PRELID2: variants seen among roughly 807,000 people sequenced by gnomAD.
The protein encoded by PRELID2 is PRELI domain-containing protein 2.
In PRELID2, 25 loss-of-function variants were observed where a neutral mutation model predicts 28.4. The observed-to-expected ratio is 0.88, with a 90% confidence interval of 0.64 to 1.23. The LOEUF (loss-of-function observed/expected upper bound fraction) is 1.23, where lower values mean the gene tolerates loss of function less well. Ranked by LOEUF, PRELID2 falls within the 50% of genes most tolerant of loss-of-function variation. The pLI is 0.00. For missense variants in PRELID2, 201 were observed against 214.4 expected (o/e 0.94, Z 0.39); for synonymous variants, 76 against 71.6 (o/e 1.06, Z -0.31).
the PRELID2 span, among the ~76,000 whole-genome samples, chr5:145,438,708 A>C: frequency 3.3e-5 from 5 of 152,144 alleles, no homozygotes; most frequent in South Asian, 1.0e-3. Context: ...TAATTTACTC[A>C]TTTCCACCTG....
At chr5:145,465,016 A>G in the PRELID2 span, among the ~76,000 whole-genome samples, 1 of 152,198 alleles carries the variant, frequency 6.6e-6, no homozygotes, top group African/African-American at 2.4e-5. Flanking sequence ...AGAACGGGTT[A>G]GAATTGGGAA....
At chr5:145,659,145 A>G (rs903545527) in intron 1 of PRELID2, among the ~76,000 whole-genome samples, 12 of 152,152 alleles carry the variant, frequency 7.9e-5, no homozygotes, top group African/African-American at 2.9e-4. Flanking sequence ...ACAGACTTCA[A>G]GGTCAGCAAG....
At chr5:145,360,999 C>A in the PRELID2 span, among the ~76,000 whole-genome samples, 8 of 152,124 alleles carry the variant, frequency 5.3e-5, no homozygotes, top group African/African-American at 1.9e-4. Context: ...TCTCACTTAC[C>A]CACCTACAAG....
intron 1 of PRELID2, among the ~76,000 whole-genome samples, chr5:145,679,810 AAT>A (rs61046245): frequency 0.062 from 9,208 of 147,858 alleles, 883 homozygotes; most frequent in African/African-American, 0.21. Flanking sequence ...AGTTAGAATA[AAT>A]ATATATATAT....
Position 145,756,771 on chromosome 5 carries a change from A to T in PRELID2, c.*3765T>A, listed in dbSNP as rs1205967972. ...CAAATCCTCTCTACTCTTATTCAAC[A>T]TATAGTATGCAGTTACACAATTTCC... On this transcript the variant is annotated 3_prime_UTR_variant, in exon 7 of 7. Coordinates refer to ENST00000683046, the MANE Select transcript of PRELID2 (RefSeq NM_205846.3). Among the ~76,000 whole-genome samples, 2 of 152,166 alleles carry T rather than the reference A, an allele frequency of 1.3e-5. No individual in the cohort carries two copies. The highest frequency in any genetic ancestry group is 4.1e-4 in the South Asian group (2 of 4,832).
the PRELID2 span, among the ~76,000 whole-genome samples, chr5:145,294,137 G>A: frequency 6.6e-6 from 1 of 152,210 alleles, no homozygotes; most frequent in South Asian, 2.1e-4. Flanking sequence ...TCAAATGTGA[G>A]TCTGTTTTCT....
intron 1 of PRELID2, among the ~76,000 whole-genome samples, chr5:145,512,737 C>T (rs1009395883): frequency 6.6e-6 from 1 of 152,182 alleles, no homozygotes; most frequent in Admixed American, 6.5e-5. Context: ...CAGAAGAGCA[C>T]TGGTTGGCAT....
intron 1 of PRELID2, among the ~76,000 whole-genome samples, chr5:145,536,189 A>G (rs960291837): frequency 2.0e-5 from 3 of 151,934 alleles, no homozygotes; most frequent in African/African-American, 7.2e-5. Context: ...ACAAAAAGAA[A>G]TGGGTTTGAA....
rs375401280 is a variant in PRELID2, at chr5:145,518,343, G to A, written n.71-45028C>T. 4.6e-5 allele frequency among the ~76,000 whole-genome samples: 7 copies of A among 151,972 alleles called. No individual in the cohort carries two copies. In the South Asian group the frequency reaches 1.5e-3, roughly 32 times the overall value. On this transcript the variant is annotated intron_variant and non_coding_transcript_variant, in intron 1 of 2. Coordinates refer to the PRELID2 transcript ENST00000510259. ...CCCTCCCAAGTAGCTGGGACTACAG[G>A]TGTGCACCACCAAGCCCAGCTAATT...
intron 1 of PRELID2, among the ~76,000 whole-genome samples, chr5:145,535,697 C>T (rs773544704): frequency 2.6e-5 from 4 of 151,760 alleles, no homozygotes; most frequent in Non-Finnish European, 5.9e-5. Context: ...GTTTTGGCTC[C>T]AACTTTCAGA....
chr5:145,491,780 T>C (rs1561493330), intron 1 of PRELID2, among the ~76,000 whole-genome samples: 1 of 152,270 alleles, frequency 6.6e-6, no homozygotes, highest in Middle Eastern at 3.4e-3. Flanking sequence ...GATTCTCATA[T>C]AATGAGATCA....
At chr5:145,345,330 A>G in the PRELID2 span, among the ~76,000 whole-genome samples, 1 of 144,764 alleles carries the variant, frequency 6.9e-6, no homozygotes, top group Non-Finnish European at 1.6e-5. Context: ...TCTGCTTGCT[A>G]GTCTACTGAT....
At chr5:145,506,457 A>G (rs184855152) in intron 1 of PRELID2, among the ~76,000 whole-genome samples, 2 of 152,264 alleles carry the variant, frequency 1.3e-5, no homozygotes, top group African/African-American at 2.4e-5. Context: ...CTTGGCTTCA[A>G]ACTATGAGTT....
intron 1 of PRELID2, among the ~76,000 whole-genome samples, chr5:145,612,462 T>A (rs946125244): frequency 3.3e-5 from 5 of 152,166 alleles, no homozygotes; most frequent in East Asian, 1.9e-4. Context: ...TTTATTTTTT[T>A]AATTTTATTT....
At chr5:145,484,001 T>C (rs956943109) in intron 1 of PRELID2, among the ~76,000 whole-genome samples, 1 of 152,194 alleles carries the variant, frequency 6.6e-6, no homozygotes, top group African/African-American at 2.4e-5. Flanking sequence ...GCTACTCAGA[T>C]AAATCATCAA....
At chr5:145,741,870 TAAA>T (rs1756799129) in intron 1 of PRELID2, among the ~76,000 whole-genome samples, 1 of 4,668 alleles carries the variant, frequency 2.1e-4, no homozygotes, top group African/African-American at 3.6e-4. Flanking sequence ...TTTAATTTAA[TAAA>T]TAAATTTAAC....
chr5:145,362,010 C>T, the PRELID2 span, among the ~76,000 whole-genome samples: 4 of 152,168 alleles, frequency 2.6e-5, no homozygotes, highest in Non-Finnish European at 4.4e-5. Flanking sequence ...AATCATGATT[C>T]AACAAGTACT....
Position 145,636,926 on chromosome 5 carries a change from C to T in PRELID2, n.70+128005G>A, listed in dbSNP as rs533477538. Among the ~76,000 whole-genome samples the T allele has an allele frequency of 4.6e-5, 7 of 152,226 alleles. No individual in the cohort carries two copies. In the South Asian group the frequency reaches 1.2e-3, roughly 27 times the overall value. ...TCCTTTCTCCCTTTCCAGGCTATTT[C>T]CACTATTTTCAAAACTTATCTTTTT... On this transcript the variant is annotated intron_variant and non_coding_transcript_variant, in intron 1 of 2. Coordinates refer to the PRELID2 transcript ENST00000510259.
the PRELID2 span, among the ~76,000 whole-genome samples, chr5:145,295,670 T>C: frequency 6.6e-6 from 1 of 152,144 alleles, no homozygotes; most frequent in Non-Finnish European, 1.5e-5. Flanking sequence ...CCCACACACA[T>C]CATTTTTCAG....
Sources: gnomAD v4.1 joint callset for allele counts (sites outside exome capture counted in the v4.1 genomes callset) on GRCh38, gnomAD v4.1.1 for gene constraint, MANE v1.5 for transcripts, NCBI Gene and HGNC (gene_info 2026-07-23, HGNC 2026-07-21) for gene names.